The following FAAH2 variants were observed in gnomAD, a reference collection of about 807,000 sequenced individuals.
The protein encoded by FAAH2 is fatty-acid amide hydrolase 2.
In FAAH2, 60 loss-of-function variants were observed where a neutral mutation model predicts 36.9. The ratio of observed to expected loss-of-function variants is 1.63; its 90% confidence interval spans 1.32 to 2.02. The LOEUF (loss-of-function observed/expected upper bound fraction) is 2.02. Ranked by LOEUF, FAAH2 falls within the 30% of genes most tolerant of loss-of-function variation. The probability of loss-of-function intolerance (pLI) is 0.00; values close to 1 mark genes in which losing one functional copy is unlikely to be tolerated. For synonymous variants in FAAH2, 214 were observed against 143.8 expected (o/e 1.49, Z -3.49); for missense variants, 689 against 397.5 (o/e 1.73, Z -6.23).
intron 7 of FAAH2, among the ~76,000 whole-genome samples, chrX:57,385,279 TAA>T (rs35943956): frequency 0.093 from 8,522 of 91,724 alleles, 352 homozygotes; most frequent in Admixed American, 0.13. Context: ...TAAAGTATAA[TAA>T]AAAAAAAAAA....
chrX:57,298,741 C>A (rs1161488753), intron 2 of FAAH2, among the ~76,000 whole-genome samples: 1 of 73,342 alleles, frequency 1.4e-5, no homozygotes, highest in African/African-American at 5.1e-5. Context: ...AGAGAATAAT[C>A]AATTAGACGC....
the FAAH2 span, among the ~76,000 whole-genome samples, chrX:57,218,347 G>A: frequency 8.9e-6 from 1 of 111,974 alleles, no homozygotes; most frequent in Admixed American, 9.5e-5. Flanking sequence ...TGTCATAGAT[G>A]TCTTTTACTA....
intron 2 of FAAH2, among the ~76,000 whole-genome samples, chrX:57,299,389 T>G (rs1293435436): frequency 9.0e-6 from 1 of 111,417 alleles, no homozygotes; most frequent in Non-Finnish European, 1.9e-5. Context: ...GAAAAGGCCT[T>G]TGACAAAATT....
the FAAH2 span, among the ~76,000 whole-genome samples, chrX:57,220,750 C>T: frequency 8.9e-6 from 1 of 112,124 alleles, no homozygotes; most frequent in Non-Finnish European, 1.9e-5. Flanking sequence ...CTGGTCCAGA[C>T]AATGCCCAAA....
At chrX:57,173,370 A>T in the FAAH2 span, among the ~76,000 whole-genome samples, 9 of 111,681 alleles carry the variant, frequency 8.1e-5, no homozygotes, top group African/African-American at 2.6e-4. Flanking sequence ...TCTTGATTTG[A>T]TTATCAGCTT....
the FAAH2 span, among the ~76,000 whole-genome samples, chrX:57,240,336 G>A: frequency 9.0e-6 from 1 of 111,518 alleles, no homozygotes; most frequent in Non-Finnish European, 1.9e-5. Context: ...TTTAACCATG[G>A]GTAGATGGTA....
chrX:57,143,475 GTATTAT>G, the FAAH2 span, among the ~76,000 whole-genome samples: 1 of 109,152 alleles, frequency 9.2e-6, no homozygotes, highest in South Asian at 4.0e-4. Context: ...AAAATTGCTC[GTATTAT>G]TATTATTATT....
the FAAH2 span, among the ~76,000 whole-genome samples, chrX:57,187,880 G>T: frequency 8.9e-6 from 1 of 111,752 alleles, no homozygotes; most frequent in African/African-American, 3.3e-5. Context: ...ATTTGCTTAT[G>T]TTGAACCAGC....
chrX:57,165,950 A>G, the FAAH2 span, among the ~76,000 whole-genome samples: 2 of 110,646 alleles, frequency 1.8e-5, no homozygotes, highest in East Asian at 5.7e-4. Context: ...CCTATAAAAA[A>G]TCCCAAGACT....
At position 57,420,381 on chromosome X, in the gene FAAH2, C is replaced by T. The variant is rs187701422; in HGVS notation, c.997-11537C>T. ...TGAATGTTCTTCCATTTGTTTGTATCCTCTTTTATTTCCTTGAGCAGTGGT... is the reference window on the plus strand; with the variant it reads ...TGAATGTTCTTCCATTTGTTTGTATTCTCTTTTATTTCCTTGAGCAGTGGT... On this transcript the variant is annotated intron_variant, in intron 7 of 10. Transcript: ENST00000374900. Among the ~76,000 whole-genome samples the T allele has an allele frequency of 4.0e-3, 442 of 111,400 alleles. 1 individual carries two copies. Among genetic ancestry groups the T allele is most frequent in the African/African-American group, 0.014 (414 of 30,646 alleles).
At chrX:57,400,122 G>A (rs1200238859) in intron 7 of FAAH2, among the ~76,000 whole-genome samples, 1 of 112,208 alleles carries the variant, frequency 8.9e-6, no homozygotes, top group Non-Finnish European at 1.9e-5. Context: ...GAGTTGCACA[G>A]GTGTGCAGTT....
chrX:57,281,745 G>T (rs1308919910), upstream of FAAH2, among the ~76,000 whole-genome samples: 1 of 111,403 alleles, frequency 9.0e-6, no homozygotes, highest in Non-Finnish European at 1.9e-5. Context: ...GTAGGCTGTG[G>T]TGTCTGTTTT....
intron 6 of FAAH2, among the ~76,000 whole-genome samples, chrX:57,379,876 A>G (rs1418674130): frequency 9.5e-6 from 1 of 105,098 alleles, no homozygotes; most frequent in Non-Finnish European, 1.9e-5. Flanking sequence ...ACCATTCATT[A>G]CCTCATTATA....
chrX:57,292,764 T>C (rs1368855971), intron 2 of FAAH2, among the ~76,000 whole-genome samples, 184 bp downstream of exon 2: 2 of 111,915 alleles, frequency 1.8e-5, no homozygotes, highest in Non-Finnish European at 3.8e-5. Flanking sequence ...TGATTATTTG[T>C]CTGCATCCTC....
At chrX:57,251,808 C>T in the FAAH2 span, among the ~76,000 whole-genome samples, 1 of 111,895 alleles carries the variant, frequency 8.9e-6, no homozygotes, top group East Asian at 2.8e-4. Flanking sequence ...TTCTGCATTT[C>T]CAACTGAGTT....
At chrX:57,356,253 T>C (rs920716208) in intron 5 of FAAH2, among the ~76,000 whole-genome samples, 1 of 110,801 alleles carries the variant, frequency 9.0e-6, no homozygotes, top group African/African-American at 3.3e-5. Flanking sequence ...TATGGTTTGG[T>C]ATCAGGGTAA....
chrX:57,426,336 G>C (rs1251468935), intron 7 of FAAH2, among the ~76,000 whole-genome samples: 5 of 111,749 alleles, frequency 4.5e-5, no homozygotes, highest in Non-Finnish European at 1.9e-5. Flanking sequence ...TCCAGTGACA[G>C]CACTACACAG....
Position 57,368,811 on chromosome X carries a change from T to G in FAAH2, c.743-9840T>G, listed in dbSNP as rs182979359. Among the ~76,000 whole-genome samples the G allele has an allele frequency of 5.2e-3, 582 of 110,916 alleles. 4 individuals are homozygous for G. Among genetic ancestry groups the G allele is most frequent in the Middle Eastern group, 9.2e-3 (2 of 218 alleles). ...TATTAATATAGGGACACAAGACACA[T>G]GAAAAGTCAAGGAAATATGACATTA... is the stretch of plus-strand genomic sequence containing the variant. On this transcript the variant is annotated intron_variant, in intron 5 of 10. Transcript: ENST00000374900.
chrX:57,295,727 T>G (rs2052125067), intron 2 of FAAH2, among the ~76,000 whole-genome samples: 1 of 111,970 alleles, frequency 8.9e-6, no homozygotes, highest in Non-Finnish European at 1.9e-5. Context: ...GGGTGACAGA[T>G]GGCACCTGGA....
Sources: allele counts gnomAD v4.1 joint callset (sites outside exome capture counted in the v4.1 genomes callset), GRCh38; gene constraint gnomAD v4.1.1; transcripts MANE v1.5; gene names NCBI Gene and HGNC (gene_info 2026-07-23, HGNC 2026-07-21).